PPP1R8: variants seen among roughly 807,000 people sequenced by gnomAD.
PPP1R8 encodes nuclear inhibitor of protein phosphatase 1.
In PPP1R8, 4 loss-of-function variants were observed where a neutral mutation model predicts 31.3. The ratio of observed to expected loss-of-function variants is 0.13; its 90% CI spans 0.06 to 0.29. PPP1R8 has a LOEUF of 0.29. Ranked by LOEUF, PPP1R8 falls within the 10% of genes least tolerant of loss-of-function variation. The probability of loss-of-function intolerance (pLI) is 1.00; values close to 1 mark genes in which losing one functional copy is unlikely to be tolerated. For missense variants in PPP1R8, 254 were observed against 440.1 expected, an observed-to-expected ratio of 0.58 and a Z score of 3.78; for synonymous variants, 170 against 169.7, an observed-to-expected ratio of 1.00 and a Z score of -0.01.
At position 27,842,502 on chromosome 1, in the gene PPP1R8, G is replaced by A. The variant is rs544008499; in HGVS notation, c.493-684G>A. ...CATGGCTTTTAGTTCAGTATGTTAG[G>A]TACTCCCTGGATCTTCATTCTTAAG... On this transcript the variant is annotated intron_variant, in intron 4 of 6. Coordinates refer to ENST00000311772, the MANE Select transcript of PPP1R8 (RefSeq NM_014110.5). Among the ~76,000 whole-genome samples, 4 of 152,212 alleles carry A rather than the reference G, an allele frequency of 2.6e-5. No homozygotes were observed. In the South Asian group the frequency reaches 8.3e-4, roughly 32 times the overall value.
At position 27,850,151 on chromosome 1, in the gene PPP1R8, T is replaced by G. The variant is rs1392110802; in HGVS notation, c.761T>G (p.Met254Arg). The change falls in exon 7 of 7, where the codon ATG becomes AGG. Residue 254 changes from methionine to arginine, a missense_variant. Physicochemically the swap from Met to Arg is moderately conservative, Grantham distance 91 (BLOSUM62 -1). This residue lies in a region of PPP1R8 where 105 missense variants were observed against 128.0 expected (regional missense o/e 0.82). Coordinates refer to ENST00000311772, the MANE Select transcript of PPP1R8 (RefSeq NM_014110.5). ...CTGGAGGAATCAGGGAGCAGGCGCATGCAGAACTTTGCCTTCAGCGGAGGA... is the reference window on the plus strand; with the variant it reads ...CTGGAGGAATCAGGGAGCAGGCGCAGGCAGAACTTTGCCTTCAGCGGAGGA... ...LGLEESGSRR[M>R]QNFAFSGGLY... is the part of the protein sequence containing the mutation. The G allele has an allele frequency of 6.2e-7, 1 of 1,612,760 alleles. No homozygotes were observed. Among genetic ancestry groups the G allele is most frequent in the South Asian group, 1.1e-5 (1 of 90,944 alleles).
chr1:27,833,091 G>A (rs1347001622), intron 2 of PPP1R8, among the ~76,000 whole-genome samples: 1 of 152,136 alleles, frequency 6.6e-6, no homozygotes, highest in African/African-American at 2.4e-5. Flanking sequence ...CTGTTAGCTT[G>A]GTTAATTCCC....
chr1:27,844,566 G>T (rs945565958), intron 5 of PPP1R8, among the ~76,000 whole-genome samples: 2 of 151,850 alleles, frequency 1.3e-5, no homozygotes, highest in African/African-American at 4.8e-5. Context: ...CTGACCTCAG[G>T]TGATCTGCCC....
In PPP1R8 at chr1:27,851,472, G is replaced by A; in HGVS notation, c.*1026G>A. On this transcript the variant is annotated 3_prime_UTR_variant, in exon 7 of 7. Transcript: ENST00000311772. Reference sequence around the variant, plus strand: ...TGTAATAGGCCTTTTCATGCTTTATGTGTAGCTTTTTACCTGTAACCTTTA... The same window carrying A: ...TGTAATAGGCCTTTTCATGCTTTATATGTAGCTTTTTACCTGTAACCTTTA... The A allele has an allele frequency of 2.2e-6, 1 of 450,458 alleles. No homozygotes were observed. The highest frequency in any genetic ancestry group is 4.5e-6 in the Non-Finnish European group (1 of 221,924). The allele number at this position is 450,458 out of a possible 1,614,324, so 27.9% of individuals were successfully genotyped here.
chr1:27,841,355 A>G (rs2089221003), intron 4 of PPP1R8, 121 bp downstream of exon 4: 1 of 1,031,070 alleles, frequency 9.7e-7, no homozygotes, highest in Non-Finnish European at 1.4e-6. Context: ...TGAGTCCAGT[A>G]ATGGGCCTTT....
chr1:27,845,130 C>T (rs2089263074), intron 5 of PPP1R8, among the ~76,000 whole-genome samples: 1 of 143,870 alleles, frequency 7.0e-6, no homozygotes, highest in South Asian at 2.3e-4. Context: ...GTGGCTCACC[C>T]CTATAATCCC....
chr1:27,844,892 T>G (rs1180855811), intron 5 of PPP1R8, among the ~76,000 whole-genome samples: 1 of 125,114 alleles, frequency 8.0e-6, no homozygotes, highest in East Asian at 2.3e-4. Context: ...TAATTTTTTT[T>G]TTTTTTTTTT....
At position 27,831,562 on chromosome 1, in the gene PPP1R8, GT is replaced by G. The variant is rs1421355015; in HGVS notation, c.56+678del. Among the ~76,000 whole-genome samples, 4 of 152,280 alleles carry G rather than the reference GT, an allele frequency of 2.6e-5. No homozygotes were observed. The South Asian group carries it at 8.3e-4, about 32-fold the overall frequency. On this transcript the variant is annotated intron_variant, in intron 1 of 6. Coordinates refer to ENST00000311772, the MANE Select transcript of PPP1R8 (RefSeq NM_014110.5). ...ACAAGGAAACGCTTCTGAATTAAGA[GT>G]TTTTTTCTGCTGTAGCTCATCGCAG...
intron 4 of PPP1R8, among the ~76,000 whole-genome samples, 188 bp from the exon 5 acceptor site, chr1:27,842,998 G>A (rs2089237860): frequency 6.6e-6 from 1 of 152,148 alleles, no homozygotes; most frequent in Non-Finnish European, 1.5e-5. Context: ...TTTCTAATGA[G>A]ACTTGAGACT....
In PPP1R8 at chr1:27,841,189, A is replaced by G; in HGVS notation, c.447A>G (p.Glu149=). ...GDEKMGGEDD[E]LKGLLGLPEE... Reference sequence around the variant, plus strand: ...AGAAGATGGGTGGAGAGGATGATGAACTCAAGGGCTTACTGGGGCTTCCAG... The same window carrying G: ...AGAAGATGGGTGGAGAGGATGATGAGCTCAAGGGCTTACTGGGGCTTCCAG... The change falls in exon 4 of 7, where the codon GAA becomes GAG. Residue 149 remains glutamate (E), a synonymous_variant. Transcript: ENST00000311772. The G allele has an allele frequency of 6.2e-7, 1 of 1,614,200 alleles. No individual in the cohort carries two copies. Among genetic ancestry groups the G allele is most frequent in the Non-Finnish European group, 8.5e-7 (1 of 1,180,038 alleles).
At chr1:27,842,553 G>A (rs1322763093) in intron 4 of PPP1R8, among the ~76,000 whole-genome samples, 3 of 152,078 alleles carry the variant, frequency 2.0e-5, no homozygotes, top group African/African-American at 7.2e-5. Flanking sequence ...CAAACTTGTG[G>A]TTTGTACCAG....
chr1:27,839,664 C>T (rs2089204084), intron 3 of PPP1R8, among the ~76,000 whole-genome samples: 1 of 152,204 alleles, frequency 6.6e-6, no homozygotes, highest in Middle Eastern at 3.2e-3. Context: ...AGAGCAGCAA[C>T]ATAGGGCATT....
chr1:27,835,284 T>C (rs1368693136), intron 2 of PPP1R8, among the ~76,000 whole-genome samples: 2 of 152,210 alleles, frequency 1.3e-5, no homozygotes, highest in Non-Finnish European at 2.9e-5. Flanking sequence ...TCCATGTGCA[T>C]ATAAATATGA....
In PPP1R8 at chr1:27,850,146, G is replaced by A; in HGVS notation, c.756G>A (p.Arg252=). The A allele has an allele frequency of 1.9e-6, 3 of 1,611,276 alleles. No individual in the cohort carries two copies. Among genetic ancestry groups the A allele is most frequent in the Non-Finnish European group, 1.7e-6 (2 of 1,178,246 alleles). ...GSLGLEESGS[R]RMQNFAFSGG... ...TGGGCCTGGAGGAATCAGGGAGCAGGCGCATGCAGAACTTTGCCTTCAGCG... is the reference window on the plus strand; with the variant it reads ...TGGGCCTGGAGGAATCAGGGAGCAGACGCATGCAGAACTTTGCCTTCAGCG... Residue 252 remains arginine (R), a synonymous_variant, in exon 7 of 7, where the codon AGG becomes AGA. Transcript: ENST00000311772.
chr1:27,839,304 A>T (rs1357451952), intron 3 of PPP1R8, among the ~76,000 whole-genome samples: 1 of 152,116 alleles, frequency 6.6e-6, no homozygotes, highest in Non-Finnish European at 1.5e-5. Flanking sequence ...GAGGTGGGCG[A>T]ATCATTTGAG....
At chr1:27,837,232 C>G (rs375820214) in intron 2 of PPP1R8, among the ~76,000 whole-genome samples, 2 of 151,942 alleles carry the variant, frequency 1.3e-5, no homozygotes, top group African/African-American at 4.8e-5. Flanking sequence ...GAGATCAAGA[C>G]CATCCTGGCT....
At chr1:27,835,994 A>G (rs1424322172) in intron 2 of PPP1R8, among the ~76,000 whole-genome samples, 1 of 152,218 alleles carries the variant, frequency 6.6e-6, no homozygotes, top group Non-Finnish European at 1.5e-5. Flanking sequence ...TTGTGCTTGC[A>G]TGAGGTGTAT....
At chr1:27,845,212 A>G (rs1571554646) in intron 5 of PPP1R8, among the ~76,000 whole-genome samples, 1 of 145,974 alleles carries the variant, frequency 6.9e-6, no homozygotes, top group Admixed American at 6.8e-5. Context: ...AACACGGTGA[A>G]ACCCCATCTC....
intron 6 of PPP1R8, among the ~76,000 whole-genome samples, chr1:27,847,617 G>A (rs1056407395): frequency 2.6e-5 from 4 of 152,168 alleles, no homozygotes; most frequent in African/African-American, 9.6e-5. Context: ...TGTAGTCTCA[G>A]CTAACTGGGA....
Sources: allele counts gnomAD v4.1 joint callset (sites outside exome capture counted in the v4.1 genomes callset), GRCh38; gene constraint gnomAD v4.1.1; regional missense constraint gnomAD v4.1.1; transcripts MANE v1.5; gene names NCBI Gene and HGNC (gene_info 2026-07-23, HGNC 2026-07-21).